SYN2: variants seen among roughly 807,000 people sequenced by gnomAD.
The protein encoded by SYN2 is synapsin-2.
Under a neutral mutation model 50.9 loss-of-function variants are expected in SYN2, and 19 were observed. That is an observed-to-expected ratio of 0.37 (90% CI 0.26 to 0.55). The LOEUF (loss-of-function observed/expected upper bound fraction) is 0.55, where lower values mean the gene tolerates loss of function less well. SYN2 is among the 20% of genes least tolerant of loss of function. SYN2 has a pLI of 0.81. For missense variants in SYN2, 587 were observed against 576.4 expected, an observed-to-expected ratio of 1.02 and a Z score of -0.19; for synonymous variants, 255 against 224.9, an observed-to-expected ratio of 1.13 and a Z score of -1.20.
intron 1 of SYN2, among the ~76,000 whole-genome samples, chr3:12,137,570 A>G (rs1278942589): frequency 1.3e-5 from 2 of 152,266 alleles, no homozygotes; most frequent in Non-Finnish European, 2.9e-5. Context: ...ATATAATGCC[A>G]ATGCCAATAC....
intron 10 of SYN2, among the ~76,000 whole-genome samples, chr3:12,171,183 A>G (rs2125244902): frequency 6.6e-6 from 1 of 152,332 alleles, no homozygotes; most frequent in East Asian, 1.9e-4. Context: ...TAGGGTAACT[A>G]GGAAAATGAA....
chr3:12,178,255 T>A (rs1230794812), intron 10 of SYN2, among the ~76,000 whole-genome samples: 1 of 152,130 alleles, frequency 6.6e-6, no homozygotes, highest in Non-Finnish European at 1.5e-5. Context: ...ATTTCCTGTC[T>A]CAGATATGCT....
At chr3:12,163,951 A>G (rs1237512864) in intron 7 of SYN2, among the ~76,000 whole-genome samples, 3 of 152,032 alleles carry the variant, frequency 2.0e-5, no homozygotes, top group Non-Finnish European at 2.9e-5. Flanking sequence ...GTGCTTGCCT[A>G]TAGTCCTAGC....
intron 1 of SYN2, among the ~76,000 whole-genome samples, chr3:12,098,871 A>ATATG (rs1696005221): frequency 6.8e-6 from 1 of 148,048 alleles, no homozygotes; most frequent in Non-Finnish European, 1.5e-5. Flanking sequence ...ATATATATAT[A>ATATG]TATATATATA....
chr3:12,034,910 A>G (rs1043978318), intron 1 of SYN2, among the ~76,000 whole-genome samples: 2 of 152,166 alleles, frequency 1.3e-5, no homozygotes, highest in African/African-American at 2.4e-5. Context: ...CTTGTTCCAC[A>G]TCAACTCAAA....
At chr3:12,136,452 G>A (rs900077839) in intron 1 of SYN2, among the ~76,000 whole-genome samples, 2 of 152,294 alleles carry the variant, frequency 1.3e-5, no homozygotes, top group Admixed American at 6.5e-5. Flanking sequence ...TCACACAGCT[G>A]AAAAGTGGTA....
chr3:12,055,639 C>T (rs1295621375), intron 1 of SYN2, among the ~76,000 whole-genome samples: 3 of 152,264 alleles, frequency 2.0e-5, no homozygotes, highest in African/African-American at 7.2e-5. Flanking sequence ...TAAAAACTCT[C>T]AAATTATGCT....
chr3:12,187,303 A>T (rs1698360613), intron 11 of SYN2, 66 bp from the exon 12 acceptor site: 2 of 1,466,360 alleles, frequency 1.4e-6, no homozygotes, highest in African/African-American at 2.8e-5. Flanking sequence ...CCTTTGAGGC[A>T]TAAATTCTAA....
chr3:12,064,249 C>G (rs1327481233), intron 1 of SYN2, among the ~76,000 whole-genome samples: 1 of 151,936 alleles, frequency 6.6e-6, no homozygotes, highest in African/African-American at 2.4e-5. Context: ...CATGGAAAGT[C>G]TGAGAAACTG....
intron 1 of SYN2, among the ~76,000 whole-genome samples, chr3:12,131,182 A>G (rs1696790396): frequency 6.6e-6 from 1 of 152,212 alleles, no homozygotes; most frequent in Non-Finnish European, 1.5e-5. Flanking sequence ...AGGCATCCTG[A>G]GGAAGAGGTG....
At chr3:12,183,504 G>A (rs1698270089) in intron 11 of SYN2, 132 bp downstream of exon 11, 3 of 1,586,498 alleles carry the variant, frequency 1.9e-6, no homozygotes, top group African/African-American at 1.3e-5. Flanking sequence ...AAGGAAAGCG[G>A]GGAGGGGAAA....
At chr3:12,087,328 C>T (rs1257610957) in intron 1 of SYN2, among the ~76,000 whole-genome samples, 5 of 152,010 alleles carry the variant, frequency 3.3e-5, no homozygotes, top group Non-Finnish European at 7.4e-5. Context: ...ATTGAAATTC[C>T]AATGTCATTT....
At chr3:12,185,984 T>A (rs1388806359) in intron 11 of SYN2, among the ~76,000 whole-genome samples, 3 of 152,230 alleles carry the variant, frequency 2.0e-5, no homozygotes, top group Non-Finnish European at 2.9e-5. Context: ...TTTATGTATG[T>A]GTTTATTTCT....
At chr3:12,168,256 G>C (rs901833487) in intron 8 of SYN2, 120 bp from the exon 9 acceptor site, 1 of 741,572 alleles carries the variant, frequency 1.3e-6, no homozygotes, top group African/African-American at 1.7e-5. Context: ...CGGGTAGATG[G>C]AGGGAGCAGT....
At chr3:12,005,134 AAGCTAAAAT>A (rs1310679217) in intron 1 of SYN2, among the ~76,000 whole-genome samples, 1 of 152,074 alleles carries the variant, frequency 6.6e-6, no homozygotes, top group African/African-American at 2.4e-5. Context: ...GGCGAACCCA[AAGCTAAAAT>A]ACCCCTCAAT....
At chr3:12,173,974 T>C (rs1242050156) in intron 10 of SYN2, among the ~76,000 whole-genome samples, 2 of 152,312 alleles carry the variant, frequency 1.3e-5, no homozygotes, top group African/African-American at 4.8e-5. Flanking sequence ...TTACAGACTT[T>C]TCAGTAGCAT....
chr3:12,004,971 G>C, intron 1 of SYN2, 43 bp downstream of exon 1: 1 of 469,370 alleles, frequency 2.1e-6, no homozygotes, highest in East Asian at 3.5e-5. Flanking sequence ...GGGGTCCGCC[G>C]GCAGCCGCAG....
chr3:12,146,733 A>G (rs963547056), intron 4 of SYN2, among the ~76,000 whole-genome samples: 11 of 152,106 alleles, frequency 7.2e-5, no homozygotes, highest in Non-Finnish European at 1.3e-4. Flanking sequence ...TTTTAGGCAG[A>G]TAGAAAAAGT....
intron 1 of SYN2, among the ~76,000 whole-genome samples, chr3:12,124,764 T>G (rs897613815): frequency 6.6e-6 from 1 of 152,178 alleles, no homozygotes; most frequent in Non-Finnish European, 1.5e-5. Flanking sequence ...TCTACGGATA[T>G]ATACACATGT....
Sources: gnomAD v4.1 joint callset for allele counts (sites outside exome capture counted in the v4.1 genomes callset) on GRCh38, gnomAD v4.1.1 for gene constraint, MANE v1.5 for transcripts, NCBI Gene and HGNC (gene_info 2026-07-23, HGNC 2026-07-21) for gene names.